The following CROCC variants were observed in gnomAD, a reference collection of about 807,000 sequenced individuals.
The protein encoded by CROCC is ciliary rootlet coiled-coil, rootletin, also known as rootletin.
Under a neutral mutation model 245.2 loss-of-function variants are expected in CROCC, and 180 were observed. The observed-to-expected ratio is 0.73, with a 90% confidence interval of 0.65 to 0.83. The LOEUF (loss-of-function observed/expected upper bound fraction) is 0.83. Ranked by LOEUF, CROCC falls within the 40% of genes least tolerant of loss-of-function variation. The pLI is 0.00. For missense variants in CROCC, 2,688 were observed against 2,779.4 expected (o/e 0.97, Z 0.74); for synonymous variants, 1,205 against 1,241.6 (o/e 0.97, Z 0.62).
In CROCC at chr1:16,954,500, C is replaced by G; in HGVS notation, c.3321+143C>G. ...GGAGGTTTAGCCCTTCTTTTGGGAG[C>G]CCCCATCTGAGGGAGGTGGCTCAGC... is the stretch of plus-strand genomic sequence containing the variant. On this transcript the variant is annotated intron_variant, in intron 22 of 36. Transcript: ENST00000375541. The surrounding 1 kb of genome is among the most constrained non-coding windows in gnomAD (Gnocchi z 4.4). The G allele has an allele frequency of 7.8e-7, 1 of 1,284,868 alleles. No homozygotes were observed. Among genetic ancestry groups the G allele is most frequent in the South Asian group, 1.5e-5 (1 of 64,742 alleles). The allele number at this position is 1,284,868 out of a possible 1,614,324, so 79.6% of individuals were successfully genotyped here. A position where few individuals can be genotyped will look rare whatever the true frequency, so the allele number is the denominator to read the frequency against.
intron 25 of CROCC, among the ~76,000 whole-genome samples, chr1:16,957,954 C>T (rs188948460): frequency 1.3e-5 from 2 of 151,994 alleles, no homozygotes; most frequent in African/African-American, 4.8e-5. Context: ...TACGGCCTCT[C>T]CTGTTACCCC....
In CROCC at chr1:16,930,200, G is replaced by A. The variant is rs140045815; in HGVS notation, c.614G>A (p.Arg205Gln). 4,320 of 1,588,564 alleles carry A rather than the reference G, an allele frequency of 2.7e-3. No individual in the cohort carries two copies. The highest frequency in any genetic ancestry group is 2.5e-3 in the Non-Finnish European group (2,883 of 1,168,008). ...LERSGELEQQRLRDTEHSQDL... is the reference protein window; with the variant it reads ...LERSGELEQQQLRDTEHSQDL... ...AGATCCGGAGAGCTGGAGCAGCAGCGGCTGAGGGTGGGTGCCAGTGTGGGG... is the reference window on the plus strand; with the variant it reads ...AGATCCGGAGAGCTGGAGCAGCAGCAGCTGAGGGTGGGTGCCAGTGTGGGG... The change falls in exon 5 of 37, where the codon CGG (arginine) becomes CAG (glutamine). Residue 205 changes from arginine (R) to glutamine (Q), a missense_variant. By Grantham distance (43) the Arg-to-Gln change is conservative (BLOSUM62 1). Around this residue, in one of 9 missense-constraint regions of CROCC, gnomAD observed 972 missense variants for 895.3 expected, o/e 1.09. Transcript: ENST00000375541.
rs1428850187 is a variant in CROCC, at chr1:16,957,946, C to T, written c.3865-637C>T. Among the ~76,000 whole-genome samples, 4 of 152,108 alleles carry T rather than the reference C, an allele frequency of 2.6e-5. No individual in the cohort carries two copies. In the South Asian group the frequency reaches 6.2e-4, roughly 24 times the overall value. ...CTTTTGCTGGACGCGTTGCATGCTA[C>T]GGCCTCTCCTGTTACCCCTGCTGTA... On this transcript the variant is annotated intron_variant, in intron 25 of 36. Transcript: ENST00000375541.
At chr1:16,947,468 CAATAATAATAAT>C (rs71006403) in intron 17 of CROCC, among the ~76,000 whole-genome samples, 173 of 147,460 alleles carry the variant, frequency 1.2e-3, no homozygotes, top group African/African-American at 3.9e-3. Flanking sequence ...GACTCCGTCT[CAATAATAATAAT>C]AATAATAATA....
intron 8 of CROCC, among the ~76,000 whole-genome samples, chr1:16,936,241 G>A (rs530674996): frequency 6.6e-5 from 10 of 152,284 alleles, no homozygotes; most frequent in East Asian, 5.8e-4. Flanking sequence ...GTATGCCACC[G>A]CACCCAGCCT....
intron 26 of CROCC, 36 bp downstream of exon 26, chr1:16,958,786 CT>C: frequency 6.5e-7 from 1 of 1,539,516 alleles, no homozygotes; most frequent in Non-Finnish European, 8.8e-7. Flanking sequence ...TGCATCTTTC[CT>C]TCCCCCAGCA....
chr1:16,950,153 T>C (rs879511421), intron 19 of CROCC, among the ~76,000 whole-genome samples: 10 of 151,034 alleles, frequency 6.6e-5, no homozygotes, highest in South Asian at 2.1e-4. Flanking sequence ...AACTTCTGCC[T>C]CCTGCATTCA....
chr1:16,938,290 C>T (rs549632319), intron 10 of CROCC, 110 bp from the exon 11 acceptor site: 29 of 1,044,820 alleles, frequency 2.8e-5, no homozygotes, highest in Admixed American at 7.1e-5. Context: ...GGCCTATGGA[C>T]ATGGCTTCAG....
intron 18 of CROCC, 123 bp from the exon 19 acceptor site, chr1:16,948,676 G>A (rs1472382688): frequency 8.5e-6 from 13 of 1,534,716 alleles, no homozygotes; most frequent in Non-Finnish European, 1.1e-5. Flanking sequence ...TCCCCAGGGA[G>A]TGTGGGCCTG....
At chr1:16,915,491 T>A (rs2075292445) in intron 1 of CROCC, among the ~76,000 whole-genome samples, 1 of 151,908 alleles carries the variant, frequency 6.6e-6, no homozygotes, top group South Asian at 2.1e-4. Context: ...AAGTAAAAAA[T>A]TAGCCAGACG....
intron 3 of CROCC, among the ~76,000 whole-genome samples, chr1:16,925,696 G>A (rs1486840539): frequency 9.2e-5 from 14 of 152,282 alleles, no homozygotes; most frequent in Non-Finnish European, 1.9e-4. Flanking sequence ...AGGAGGGTGT[G>A]TGTTCCTGTG....
intron 32 of CROCC, 73 bp downstream of exon 32, chr1:16,969,413 G>T: frequency 2.8e-6 from 4 of 1,449,306 alleles, no homozygotes; most frequent in Non-Finnish European, 2.8e-6. Context: ...TTGGAGGGGG[G>T]CCCTGGTAGA....
At chr1:16,961,460 C>T (rs910187319) in intron 27 of CROCC, among the ~76,000 whole-genome samples, 38 of 152,006 alleles carry the variant, frequency 2.5e-4, no homozygotes, top group Non-Finnish European at 1.2e-4. Flanking sequence ...TTTGTGGAGA[C>T]GGGGTCTCAC....
Position 16,967,521 on chromosome 1 carries a change from C to G in CROCC, c.4861-682C>G, listed in dbSNP as rs529084325. ...GCCAGGAACAAAGCTGGGCAGGAGCCAGAGTGGGGGCCCCAGACAGGGCAG... is the reference window on the plus strand; with the variant it reads ...GCCAGGAACAAAGCTGGGCAGGAGCGAGAGTGGGGGCCCCAGACAGGGCAG... On this transcript the variant is annotated intron_variant, in intron 30 of 36. Transcript: ENST00000375541. Among the ~76,000 whole-genome samples, 17 of 152,292 alleles carry G rather than the reference C, an allele frequency of 1.1e-4. No homozygotes were observed. The East Asian group carries it at 3.3e-3, about 29-fold the overall frequency.
chr1:16,942,879 G>GT (rs2075962099), intron 13 of CROCC, among the ~76,000 whole-genome samples: 1 of 152,282 alleles, frequency 6.6e-6, no homozygotes, highest in Admixed American at 6.5e-5. Context: ...GCCAAGGCGG[G>GT]TGGATCACTT....
chr1:16,922,941 T>A, intron 2 of CROCC, 143 bp downstream of exon 2: 1 of 1,283,600 alleles, frequency 7.8e-7, no homozygotes, highest in East Asian at 2.4e-5. Flanking sequence ...GAACCCATTT[T>A]ACAGATGAGG....
chr1:16,964,301 A>G (rs1354114221), intron 27 of CROCC, among the ~76,000 whole-genome samples: 1 of 150,724 alleles, frequency 6.6e-6, no homozygotes, highest in Non-Finnish European at 1.5e-5. Context: ...GTGGGCCACC[A>G]TGCTCAGCTA....
chr1:16,952,319 C>T (rs1318330765), intron 20 of CROCC, among the ~76,000 whole-genome samples: 1 of 151,466 alleles, frequency 6.6e-6, no homozygotes, highest in Non-Finnish European at 1.5e-5. Flanking sequence ...CCCATCTCTA[C>T]TAAAAATCAC....
At chr1:16,923,060 T>C (rs2075445473) in intron 2 of CROCC, among the ~76,000 whole-genome samples, 1 of 152,268 alleles carries the variant, frequency 6.6e-6, no homozygotes, top group Admixed American at 6.5e-5. Flanking sequence ...GCTGCAGAGA[T>C]GTGAACCCCA....
Sources: gnomAD v4.1 joint callset for allele counts (sites outside exome capture counted in the v4.1 genomes callset) on GRCh38, gnomAD v4.1.1 for gene constraint, gnomAD v4.1.1 regional missense constraint, Gnocchi (gnomAD v3.1) non-coding constraint, MANE v1.5 for transcripts, NCBI Gene and HGNC (gene_info 2026-07-23, HGNC 2026-07-21) for gene names.